Variants in ARB2A observed in about 807,000 individuals in gnomAD.
ARB2A encodes ARB2 cotranscriptional regulator A, also known as cotranscriptional regulator ARB2A.
chr5:94,062,244 C>A, the ARB2A span, among the ~76,000 whole-genome samples: 1 of 152,156 alleles, frequency 6.6e-6, no homozygotes, highest in African/African-American at 2.4e-5. Context: ...CTATATCTCA[C>A]ATCTTACATA....
the ARB2A span, among the ~76,000 whole-genome samples, chr5:93,665,818 T>G: frequency 6.6e-6 from 1 of 152,202 alleles, no homozygotes; most frequent in African/African-American, 2.4e-5. Context: ...GCTTTTTATC[T>G]GCATGTGTAC....
At chr5:93,850,876 A>G in the ARB2A span, among the ~76,000 whole-genome samples, 1 of 152,218 alleles carries the variant, frequency 6.6e-6, no homozygotes, top group Non-Finnish European at 1.5e-5. Context: ...GAAATATCCT[A>G]CTTAAATAAA....
At chr5:93,819,921 C>A in the ARB2A span, among the ~76,000 whole-genome samples, 1 of 152,184 alleles carries the variant, frequency 6.6e-6, no homozygotes, top group Non-Finnish European at 1.5e-5. Context: ...AATTCACATG[C>A]AAGTGAGGTG....
chr5:94,001,384 T>G, the ARB2A span, among the ~76,000 whole-genome samples: 1 of 152,128 alleles, frequency 6.6e-6, no homozygotes, highest in Non-Finnish European at 1.5e-5. Flanking sequence ...TTGTGGAAAT[T>G]TTCAGTCATT....
At chr5:93,857,095 C>A in the ARB2A span, among the ~76,000 whole-genome samples, 7 of 152,136 alleles carry the variant, frequency 4.6e-5, no homozygotes, top group African/African-American at 1.7e-4. Context: ...TGCAGAACAG[C>A]GGATTTTCAC....
chr5:93,921,186 G>A, the ARB2A span, among the ~76,000 whole-genome samples: 3 of 147,300 alleles, frequency 2.0e-5, no homozygotes, highest in Non-Finnish European at 3.0e-5. Flanking sequence ...AAGGAAATTC[G>A]TGAAGCTGTA....
the ARB2A span, among the ~76,000 whole-genome samples, chr5:93,891,443 C>G: frequency 6.6e-6 from 1 of 152,028 alleles, no homozygotes; most frequent in Non-Finnish European, 1.5e-5. Context: ...TAAAGACCAT[C>G]TTCCAGGCTC....
the ARB2A span, among the ~76,000 whole-genome samples, chr5:94,019,665 G>A: frequency 1.3e-5 from 2 of 152,200 alleles, no homozygotes; most frequent in African/African-American, 4.8e-5. Context: ...AAACAGGAAT[G>A]CTTTTACACT....
the ARB2A span, chr5:93,805,355 C>T: frequency 1.0e-6 from 1 of 985,110 alleles, no homozygotes. Flanking sequence ...CAAGTTTTTA[C>T]CAGCTATTTT....
chr5:93,654,140 G>GA, the ARB2A span, among the ~76,000 whole-genome samples: 4 of 152,092 alleles, frequency 2.6e-5, no homozygotes, highest in African/African-American at 9.7e-5. Flanking sequence ...TCAGAAAACA[G>GA]AAAAAAATGA....
the ARB2A span, among the ~76,000 whole-genome samples, chr5:93,664,198 A>G: frequency 6.6e-6 from 1 of 151,932 alleles, no homozygotes; most frequent in Admixed American, 6.6e-5. Flanking sequence ...CTCCCGCCTC[A>G]GCTTCCCAAG....
the ARB2A span, chr5:94,053,082 TAGATAGATAG>T: frequency 9.9e-7 from 1 of 1,014,786 alleles, no homozygotes. Context: ...TATAGATAGA[TAGATAGATAG>T]ATAGATAGAT....
chr5:94,053,284 G>C, the ARB2A span: 5 of 939,230 alleles, frequency 5.3e-6, no homozygotes, highest in Non-Finnish European at 7.9e-6. Flanking sequence ...TTGTAACAAA[G>C]ATTTTAATTT....
chr5:94,013,932 A>G, the ARB2A span, among the ~76,000 whole-genome samples: 3 of 152,158 alleles, frequency 2.0e-5, no homozygotes, highest in Non-Finnish European at 2.9e-5. Flanking sequence ...CACCTAGTAC[A>G]TGGGAAATTT....
chr5:93,772,019 T>C, the ARB2A span, among the ~76,000 whole-genome samples: 187 of 152,286 alleles, frequency 1.2e-3, no homozygotes, highest in African/African-American at 4.1e-3. Flanking sequence ...ATGTTTACTG[T>C]GGCACTATTC....
chr5:93,660,527 G>A, the ARB2A span, among the ~76,000 whole-genome samples: 3 of 152,114 alleles, frequency 2.0e-5, no homozygotes, highest in African/African-American at 7.2e-5. Context: ...TAATTATTTG[G>A]AGAACAGAGT....
At chr5:93,876,290 CA>C in the ARB2A span, among the ~76,000 whole-genome samples, 7 of 152,052 alleles carry the variant, frequency 4.6e-5, no homozygotes, top group African/African-American at 1.4e-4. Context: ...TTTTTGAGAA[CA>C]AAAAATTCCA....
the ARB2A span, among the ~76,000 whole-genome samples, chr5:93,768,471 AT>A: frequency 1.3e-5 from 2 of 150,170 alleles, no homozygotes; most frequent in Non-Finnish European, 3.0e-5. Context: ...CACTATATAT[AT>A]ATATATATGT....
the ARB2A span, among the ~76,000 whole-genome samples, chr5:93,686,414 C>G: frequency 3.9e-5 from 6 of 152,296 alleles, no homozygotes; most frequent in African/African-American, 1.4e-4. Context: ...ACATTTTACT[C>G]TGGACATTGC....
Sources: allele counts gnomAD v4.1 joint callset (sites outside exome capture counted in the v4.1 genomes callset), GRCh38; gene constraint gnomAD v4.1.1; transcripts MANE v1.5; gene names NCBI Gene and HGNC (gene_info 2026-07-23, HGNC 2026-07-21).